The following NRG1 variants were observed in gnomAD, a reference collection of about 807,000 sequenced individuals.
NRG1 encodes pro-neuregulin-1, membrane-bound isoform.
Under a neutral mutation model 63.8 loss-of-function variants are expected in NRG1, and 18 were observed. The observed-to-expected ratio is 0.28, with a 90% CI of 0.19 to 0.42. The LOEUF is 0.42. Ranked by LOEUF, NRG1 falls within the 10% of genes least tolerant of loss-of-function variation. The probability of loss-of-function intolerance (pLI) is 1.00; values close to 1 mark genes in which losing one functional copy is unlikely to be tolerated. For synonymous variants in NRG1, 302 were observed against 301.3 expected, an observed-to-expected ratio of 1.00 and a Z score of -0.02; for missense variants, 762 against 814.7, an observed-to-expected ratio of 0.94 and a Z score of 0.79.
chr8:31,682,596 A>C (rs1169668147), intron 1 of NRG1, among the ~76,000 whole-genome samples: 1 of 152,136 alleles, frequency 6.6e-6, no homozygotes, highest in Non-Finnish European at 1.5e-5. Flanking sequence ...AAGCTTCTCC[A>C]TACTATTTCT....
At chr8:32,344,411 G>T (rs560450996) in intron 1 of NRG1, among the ~76,000 whole-genome samples, 2 of 29,646 alleles carry the variant, frequency 6.7e-5, no homozygotes, top group Non-Finnish European at 1.5e-4. Context: ...GCATGCATGC[G>T]TGCATGCATG....
chr8:32,528,063 A>G (rs10108197), intron 1 of NRG1, among the ~76,000 whole-genome samples: 115,087 of 152,086 alleles, frequency 0.76, 43,711 homozygotes, highest in East Asian at 0.84. Flanking sequence ...CTCCACCTGT[A>G]ATTCTTATCC....
At chr8:31,847,190 T>C (rs944035325) in intron 1 of NRG1, among the ~76,000 whole-genome samples, 5 of 152,238 alleles carry the variant, frequency 3.3e-5, no homozygotes, top group Admixed American at 6.5e-5. Flanking sequence ...TTACACAATC[T>C]TTCCAGTTTT....
At chr8:32,238,418 T>C (rs1230751414) in intron 1 of NRG1, among the ~76,000 whole-genome samples, 4 of 149,050 alleles carry the variant, frequency 2.7e-5, no homozygotes, top group African/African-American at 9.9e-5. Context: ...TTGTCCAGCC[T>C]GGACAATAGA....
In NRG1 at chr8:31,640,654, C is replaced by T. The variant is rs749732587; in HGVS notation, c.37+1223C>T. Reference sequence around the variant, plus strand: ...CACCAGCCGCGCGCCGGCCGCCTTCCGAGCCTCTTTCCCCCCTCTGGAGAC... The same window carrying T: ...CACCAGCCGCGCGCCGGCCGCCTTCTGAGCCTCTTTCCCCCCTCTGGAGAC... On this transcript the variant is annotated intron_variant, in intron 1 of 10. Coordinates refer to the NRG1 transcript ENST00000519301. The surrounding 1 kb of genome is among the most constrained non-coding windows in gnomAD (Gnocchi z 6.3). 1.2e-6 allele frequency: 2 copies of T among 1,608,634 alleles called. No homozygotes were observed. The highest frequency in any genetic ancestry group is 8.5e-7 in the Non-Finnish European group (1 of 1,178,494).
intron 1 of NRG1, among the ~76,000 whole-genome samples, chr8:32,459,406 CT>C (rs1299778412): frequency 3.4e-4 from 52 of 152,014 alleles, no homozygotes; most frequent in Admixed American, 3.3e-3. Context: ...TTTTTAAGCC[CT>C]TTTTTTATTT....
At chr8:32,206,844 G>T (rs888946009) in intron 1 of NRG1, among the ~76,000 whole-genome samples, 1 of 152,132 alleles carries the variant, frequency 6.6e-6, no homozygotes, top group Non-Finnish European at 1.5e-5. Context: ...GTGTCCACGT[G>T]TACACGTTAT....
intron 1 of NRG1, among the ~76,000 whole-genome samples, chr8:32,407,291 A>AT (rs1466421358): frequency 5.4e-4 from 5 of 9,340 alleles, no homozygotes; most frequent in African/African-American, 1.4e-3. Context: ...ATATATATAT[A>AT]TATTATATAT....
chr8:32,175,131 C>T (rs930474127), intron 1 of NRG1, among the ~76,000 whole-genome samples: 4 of 152,178 alleles, frequency 2.6e-5, no homozygotes, highest in African/African-American at 2.4e-5. Flanking sequence ...AGCTGATCCA[C>T]CATGATCAAG....
chr8:32,714,833 C>T (rs181727610), intron 5 of NRG1, among the ~76,000 whole-genome samples: 71 of 152,310 alleles, frequency 4.7e-4, no homozygotes, highest in Middle Eastern at 3.4e-3. Context: ...AGCGCGTGCA[C>T]GCACAGTACT....
chr8:31,679,777 A>G (rs1808123157), intron 1 of NRG1, among the ~76,000 whole-genome samples: 1 of 152,118 alleles, frequency 6.6e-6, no homozygotes, highest in African/African-American at 2.4e-5. Flanking sequence ...TGCTATCCCT[A>G]GTCTTAGAGG....
At chr8:31,779,583 A>G (rs1819485155) in intron 1 of NRG1, among the ~76,000 whole-genome samples, 2 of 152,180 alleles carry the variant, frequency 1.3e-5, no homozygotes. Context: ...TTCTGGTCCA[A>G]TTTAGTAATT....
At chr8:31,703,103 G>A (rs768031992) in intron 1 of NRG1, among the ~76,000 whole-genome samples, 2 of 147,264 alleles carry the variant, frequency 1.4e-5, no homozygotes, top group Non-Finnish European at 3.0e-5. Flanking sequence ...CTAGTATGTT[G>A]TTTCTATCAA....
chr8:32,683,988 A>G (rs544143396), intron 5 of NRG1, among the ~76,000 whole-genome samples: 2 of 151,952 alleles, frequency 1.3e-5, no homozygotes, highest in Non-Finnish European at 2.9e-5. Flanking sequence ...TGAGGCCAGG[A>G]GTTCAAAACC....
chr8:31,734,562 T>C (rs762353191), intron 1 of NRG1, among the ~76,000 whole-genome samples: 5 of 152,236 alleles, frequency 3.3e-5, no homozygotes, highest in Non-Finnish European at 5.9e-5. Flanking sequence ...CTTTTTTTTG[T>C]TTGTTTGTTT....
At chr8:32,069,322 G>A (rs758733481) in intron 1 of NRG1, among the ~76,000 whole-genome samples, 1 of 152,210 alleles carries the variant, frequency 6.6e-6, no homozygotes, top group Non-Finnish European at 1.5e-5. Flanking sequence ...TGTTATGGGA[G>A]ATCATCAATA....
chr8:32,529,829 G>T (rs956050210), intron 1 of NRG1, among the ~76,000 whole-genome samples: 1 of 152,260 alleles, frequency 6.6e-6, no homozygotes, highest in South Asian at 2.1e-4. Flanking sequence ...CCTCCTGAAG[G>T]AACTGCCTGA....
chr8:32,550,570 A>G (rs1833920085), intron 1 of NRG1, among the ~76,000 whole-genome samples: 1 of 152,144 alleles, frequency 6.6e-6, no homozygotes, highest in Non-Finnish European at 1.5e-5. Context: ...TGTTCAGGTA[A>G]TAGGTGTGCA....
intron 1 of NRG1, among the ~76,000 whole-genome samples, chr8:31,924,212 G>A (rs753306610): frequency 5.3e-5 from 8 of 151,846 alleles, no homozygotes; most frequent in South Asian, 2.1e-4. Flanking sequence ...AAATCTAACC[G>A]GGCGTAGTGG....
Sources: gnomAD v4.1 joint callset for allele counts (sites outside exome capture counted in the v4.1 genomes callset) on GRCh38, gnomAD v4.1.1 for gene constraint, Gnocchi (gnomAD v3.1) non-coding constraint, MANE v1.5 for transcripts, NCBI Gene and HGNC (gene_info 2026-07-23, HGNC 2026-07-21) for gene names.